SRGAP3: variants seen among roughly 807,000 people sequenced by gnomAD.
SRGAP3 encodes the protein SLIT-ROBO Rho GTPase-activating protein 3.
In SRGAP3, 39 loss-of-function variants were observed where a neutral mutation model predicts 121.1. That is an observed-to-expected ratio of 0.32 (90% CI 0.25 to 0.42). The LOEUF (loss-of-function observed/expected upper bound fraction) is 0.42, where lower values mean the gene tolerates loss of function less well. Among genes scored for constraint, SRGAP3 ranks in the 10% least tolerant of loss-of-function variants. The probability of loss-of-function intolerance (pLI) is 1.00; values close to 1 mark genes in which losing one functional copy is unlikely to be tolerated. For synonymous variants in SRGAP3, 601 were observed against 570.0 expected, an observed-to-expected ratio of 1.05 and a Z score of -0.77; for missense variants, 1,213 against 1,470.6, an observed-to-expected ratio of 0.82 and a Z score of 2.86.
chr3:9,312,639 G>C (rs1402008342), intron 3 of SRGAP3, among the ~76,000 whole-genome samples: 1 of 152,186 alleles, frequency 6.6e-6, no homozygotes, highest in African/African-American at 2.4e-5. Context: ...GATGAGCATG[G>C]GAGAGAGGTT....
rs191105368 is a variant in SRGAP3, at chr3:9,207,177, C to T, written c.67+41708G>A. Among the ~76,000 whole-genome samples, 197 of 152,294 alleles carry T rather than the reference C, an allele frequency of 1.3e-3. 1 individual carries two copies. The highest frequency in any genetic ancestry group is 2.1e-3 in the Non-Finnish European group (144 of 68,028). On this transcript the variant is annotated intron_variant, in intron 1 of 21. Transcript: ENST00000383836. ...AACACCTTGCTTTAAGTACCGTTGT[C>T]CCTATTTTGCAGAGGAGGAAACTCA...
intron 3 of SRGAP3, among the ~76,000 whole-genome samples, chr3:9,314,390 G>A (rs1284736218): frequency 2.0e-5 from 3 of 151,894 alleles, no homozygotes; most frequent in African/African-American, 4.8e-5. Flanking sequence ...ACCCTATCTC[G>A]AAGAATAAAG....
At chr3:9,113,659 C>T (rs1035389948) in intron 2 of SRGAP3, among the ~76,000 whole-genome samples, 44 of 152,182 alleles carry the variant, frequency 2.9e-4, no homozygotes, top group African/African-American at 1.0e-3. Flanking sequence ...ATAATCCCCA[C>T]GTGTCATGGG....
At chr3:9,177,538 C>A (rs1480165564) in intron 1 of SRGAP3, among the ~76,000 whole-genome samples, 1 of 152,022 alleles carries the variant, frequency 6.6e-6, no homozygotes, top group African/African-American at 2.4e-5. Context: ...GAAGGAGGTC[C>A]GTGGCTTTCA....
At chr3:9,030,921 G>C (rs1015605938) in intron 12 of SRGAP3, among the ~76,000 whole-genome samples, 1 of 151,324 alleles carries the variant, frequency 6.6e-6, no homozygotes, top group Non-Finnish European at 1.5e-5. Flanking sequence ...TACTGTGCTT[G>C]AGCTCATAGC....
intron 1 of SRGAP3, among the ~76,000 whole-genome samples, chr3:9,332,481 G>C (rs1417907096): frequency 6.6e-6 from 1 of 152,168 alleles, no homozygotes; most frequent in African/African-American, 2.4e-5. Flanking sequence ...TCCATGGTCA[G>C]AGAGTGATTA....
intron 12 of SRGAP3, among the ~76,000 whole-genome samples, chr3:9,029,104 A>T (rs1944351691): frequency 6.6e-6 from 1 of 152,190 alleles, no homozygotes; most frequent in African/African-American, 2.4e-5. Context: ...TGCTGACTAA[A>T]TCTACCAGAA....
intron 3 of SRGAP3, among the ~76,000 whole-genome samples, chr3:9,311,590 G>A (rs985489464): frequency 5.9e-5 from 9 of 152,158 alleles, no homozygotes; most frequent in African/African-American, 2.2e-4. Context: ...CTGTATTTAT[G>A]GACACTAAAA....
At chr3:9,088,442 C>T (rs60331731) in intron 3 of SRGAP3, among the ~76,000 whole-genome samples, 2,997 of 152,290 alleles carry the variant, frequency 0.02, 97 homozygotes, top group African/African-American at 0.069. Context: ...TCCTTTGCCT[C>T]TTTGCCTGTA....
At chr3:9,116,864 C>T (rs1560185527) in intron 2 of SRGAP3, among the ~76,000 whole-genome samples, 1 of 152,182 alleles carries the variant, frequency 6.6e-6, no homozygotes, top group Non-Finnish European at 1.5e-5. Flanking sequence ...AGTGTCTTCA[C>T]CTAGAAAGAT....
At chr3:9,268,249 C>T in intron 3 of SRGAP3, among the ~76,000 whole-genome samples, 1 of 151,734 alleles carries the variant, frequency 6.6e-6, no homozygotes, top group East Asian at 1.9e-4. Context: ...GAGGTTGGAG[C>T]CTCAGGATGG....
chr3:9,137,543 A>G (rs1949710195), intron 1 of SRGAP3, among the ~76,000 whole-genome samples: 1 of 152,224 alleles, frequency 6.6e-6, no homozygotes, highest in Admixed American at 6.5e-5. Context: ...ATTTTCTTCT[A>G]TGTAAGAGGA....
At chr3:9,318,820 A>C (rs1955393198) in intron 3 of SRGAP3, among the ~76,000 whole-genome samples, 1 of 151,710 alleles carries the variant, frequency 6.6e-6, no homozygotes, top group African/African-American at 2.4e-5. Context: ...TCGAGGCTGC[A>C]GTGACCTGTG....
At chr3:9,063,839 C>T (rs1322103179) in intron 5 of SRGAP3, among the ~76,000 whole-genome samples, 4 of 152,308 alleles carry the variant, frequency 2.6e-5, no homozygotes, top group Non-Finnish European at 5.9e-5. Flanking sequence ...GAATTCCTCC[C>T]ACCACACCCT....
At chr3:9,075,315 C>A (rs965775778) in intron 4 of SRGAP3, among the ~76,000 whole-genome samples, 1 of 152,108 alleles carries the variant, frequency 6.6e-6, no homozygotes, top group Non-Finnish European at 1.5e-5. Context: ...CATACAAGCA[C>A]GTGAATGTGC....
chr3:9,039,933 T>C lies in SRGAP3; in HGVS notation c.1409-1843A>G, dbSNP rs570824367. Among the ~76,000 whole-genome samples, 86 of 152,338 alleles carry C rather than the reference T, an allele frequency of 5.6e-4. No individual in the cohort carries two copies. In the South Asian group the frequency reaches 0.018, roughly 32 times the overall value. On this transcript the variant is annotated intron_variant, in intron 10 of 21. Transcript: ENST00000383836. Reference sequence around the variant, plus strand: ...CTTAAATGTTTCCCATAGCACTCTTTCTTTCTATGCCCCAAACCTACTTTC... The same window carrying C: ...CTTAAATGTTTCCCATAGCACTCTTCCTTTCTATGCCCCAAACCTACTTTC...
intron 2 of SRGAP3, among the ~76,000 whole-genome samples, chr3:9,115,162 C>T (rs1352121041): frequency 6.6e-6 from 1 of 152,144 alleles, no homozygotes; most frequent in Non-Finnish European, 1.5e-5. Flanking sequence ...ATCAGTTGGT[C>T]CCTTGCCTAT....
chr3:9,153,743 CTAAT>C (rs113223965), intron 1 of SRGAP3, among the ~76,000 whole-genome samples: 36,794 of 151,798 alleles, frequency 0.24, 5,355 homozygotes, highest in African/African-American at 0.41. Context: ...TATATGTACT[CTAAT>C]TATGACATAT....
rs376037661 is a variant in SRGAP3, at chr3:9,202,740, C to T, written c.67+46145G>A. On this transcript the variant is annotated intron_variant, in intron 1 of 21. Transcript: ENST00000383836. ...CCCGCAGGCCTGGGACTCTGTGCCT[C>T]GCAGCTGAGGCTTCTAGTGTTGTCC... Among the ~76,000 whole-genome samples the T allele has an allele frequency of 1.4e-4, 21 of 152,352 alleles. No homozygotes were observed. The East Asian group carries it at 1.7e-3, about 13-fold the overall frequency.
Sources: allele counts gnomAD v4.1 joint callset (sites outside exome capture counted in the v4.1 genomes callset), GRCh38; gene constraint gnomAD v4.1.1; transcripts MANE v1.5; gene names NCBI Gene and HGNC (gene_info 2026-07-23, HGNC 2026-07-21).